NPEPPS: variants seen among roughly 807,000 people sequenced by gnomAD.
The protein encoded by NPEPPS is aminopeptidase puromycin sensitive.
Under a neutral mutation model 115.5 loss-of-function variants are expected in NPEPPS, and 14 were observed. That is an observed-to-expected ratio of 0.12 (90% CI 0.08 to 0.19). The LOEUF is 0.19. Ranked by LOEUF, NPEPPS falls within the 10% of genes least tolerant of loss-of-function variation. The probability of loss-of-function intolerance (pLI) is 1.00; values close to 1 mark genes in which losing one functional copy is unlikely to be tolerated. For missense variants in NPEPPS, 523 were observed against 1,110.8 expected (o/e 0.47, Z 7.52); for synonymous variants, 285 against 390.6 (o/e 0.73, Z 3.19).
intron 2 of NPEPPS, among the ~76,000 whole-genome samples, chr17:47,559,050 A>G (rs977747769): frequency 6.6e-6 from 1 of 151,434 alleles, no homozygotes; most frequent in African/African-American, 2.4e-5. Flanking sequence ...AAAAGAGGAA[A>G]AAAAAAAAAA....
At chr17:47,561,375 G>T (rs1910415960) in intron 2 of NPEPPS, among the ~76,000 whole-genome samples, 1 of 150,952 alleles carries the variant, frequency 6.6e-6, no homozygotes, top group Non-Finnish European at 1.5e-5. Flanking sequence ...AAAAAGATTG[G>T]GGGGGTGCTA....
intron 1 of NPEPPS, among the ~76,000 whole-genome samples, chr17:47,539,841 A>T (rs1475291389): frequency 6.6e-6 from 1 of 152,138 alleles, no homozygotes. Context: ...TAGCTATTAT[A>T]GAACTGTTCC....
intron 1 of NPEPPS, among the ~76,000 whole-genome samples, chr17:47,541,871 C>T (rs1358897121): frequency 6.6e-6 from 1 of 152,174 alleles, no homozygotes; most frequent in East Asian, 1.9e-4. Flanking sequence ...TGTTTTGAAA[C>T]ATGAAGATTT....
At chr17:47,536,668 T>G (rs186994638) in intron 1 of NPEPPS, among the ~76,000 whole-genome samples, 2 of 149,966 alleles carry the variant, frequency 1.3e-5, no homozygotes, top group Admixed American at 1.3e-4. Context: ...GTGCTGGGAT[T>G]ATGGGCGTGA....
chr17:47,531,538 C>T lies in NPEPPS; in HGVS notation c.238C>T (p.Leu80=), dbSNP rs888505585. 4 of 1,606,552 alleles carry T rather than the reference C, an allele frequency of 2.5e-6. No homozygotes were observed. Among genetic ancestry groups the T allele is most frequent in the East Asian group, 4.5e-5 (2 of 44,556 alleles). Residue 80 remains leucine (L), a synonymous_variant, in exon 1 of 23, where the codon CTG becomes TTG. Coordinates refer to ENST00000322157, the MANE Select transcript of NPEPPS (RefSeq NM_006310.4). ...DLLDFTFEGK[L]EAAAQVRQAT... ...GCTGGACTTCACCTTCGAGGGCAAGCTGGAGGCCGCCGCCCAGGTACAGCG... is the reference window on the plus strand; with the variant it reads ...GCTGGACTTCACCTTCGAGGGCAAGTTGGAGGCCGCCGCCCAGGTACAGCG...
intron 3 of NPEPPS, among the ~76,000 whole-genome samples, chr17:47,574,759 TTTTAAA>T (rs1378162810): frequency 6.6e-6 from 1 of 152,068 alleles, no homozygotes; most frequent in African/African-American, 2.4e-5. Context: ...TCTGGTTAAT[TTTTAAA>T]TTTTTTTGTA....
intron 1 of NPEPPS, among the ~76,000 whole-genome samples, chr17:47,537,333 A>G (rs1483211384): frequency 6.6e-6 from 1 of 152,178 alleles, no homozygotes; most frequent in Non-Finnish European, 1.5e-5. Context: ...TTCATCTGGC[A>G]ATGAATTCTG....
At chr17:47,533,959 A>G (rs1262206584) in intron 1 of NPEPPS, among the ~76,000 whole-genome samples, 1 of 152,222 alleles carries the variant, frequency 6.6e-6, no homozygotes. Context: ...ACATGTTTGG[A>G]AGGGTAAAAG....
In NPEPPS at chr17:47,546,010, A is replaced by G; in HGVS notation, c.340+17A>G. ...GAGATGAAGGTAAGAGCTGTTTTCCATTTTAATTTGCTGTCTGCATGTGCA... is the reference window on the plus strand; with the variant it reads ...GAGATGAAGGTAAGAGCTGTTTTCCGTTTTAATTTGCTGTCTGCATGTGCA... On this transcript the variant is annotated intron_variant, in intron 2 of 22. Transcript: ENST00000322157. The G allele has an allele frequency of 6.6e-7, 1 of 1,518,774 alleles. No homozygotes were observed. The highest frequency in any genetic ancestry group is 8.8e-7 in the Non-Finnish European group (1 of 1,131,662). 94.1% of individuals were successfully genotyped at this position (1,518,774 alleles called of 1,614,324 possible).
At chr17:47,565,917 T>C (rs1467106193) in intron 2 of NPEPPS, among the ~76,000 whole-genome samples, 3 of 152,044 alleles carry the variant, frequency 2.0e-5, no homozygotes, top group East Asian at 1.9e-4. Flanking sequence ...CACCCTGGGG[T>C]TGGAAAATGC....
intron 1 of NPEPPS, among the ~76,000 whole-genome samples, chr17:47,543,398 A>G (rs1016738736): frequency 2.6e-5 from 4 of 151,140 alleles, no homozygotes; most frequent in Admixed American, 2.0e-4. Context: ...GCTCACTGCA[A>G]CCTCCACTGC....
chr17:47,539,064 G>C (rs2873557), intron 1 of NPEPPS, among the ~76,000 whole-genome samples: 1 of 150,490 alleles, frequency 6.6e-6, no homozygotes, highest in African/African-American at 2.4e-5. Flanking sequence ...TTATTGTACG[G>C]ACTTTGTATC....
chr17:47,539,064 G>A (rs2873557), intron 1 of NPEPPS, among the ~76,000 whole-genome samples: 3,867 of 150,514 alleles, frequency 0.026, 151 homozygotes, highest in African/African-American at 0.086. Context: ...TTATTGTACG[G>A]ACTTTGTATC....
At chr17:47,588,181 G>A (rs1183258289) in intron 9 of NPEPPS, among the ~76,000 whole-genome samples, 2 of 152,210 alleles carry the variant, frequency 1.3e-5, no homozygotes, top group Non-Finnish European at 2.9e-5. Flanking sequence ...GTCTCAGAGA[G>A]TTTCTACAGA....
chr17:47,554,289 C>G (rs1407003175), intron 2 of NPEPPS, among the ~76,000 whole-genome samples: 1 of 152,154 alleles, frequency 6.6e-6, no homozygotes, highest in African/African-American at 2.4e-5. Context: ...ATCTTCCCCC[C>G]TCAGCCTCGT....
intron 2 of NPEPPS, among the ~76,000 whole-genome samples, chr17:47,561,233 C>T (rs1207933642): frequency 1.3e-5 from 2 of 151,582 alleles, no homozygotes; most frequent in Non-Finnish European, 2.9e-5. Flanking sequence ...ATAAAGGGGG[C>T]CTGGCACAGT....
chr17:47,557,651 T>G (rs1296532248), intron 2 of NPEPPS: 2 of 149,246 alleles, frequency 1.3e-5, no homozygotes, highest in African/African-American at 4.8e-5. Flanking sequence ...GCCCACACTT[T>G]TTTTGGTTTG....
At chr17:47,566,359 G>A (rs1336032932) in intron 2 of NPEPPS, among the ~76,000 whole-genome samples, 2 of 150,744 alleles carry the variant, frequency 1.3e-5, no homozygotes, top group African/African-American at 4.9e-5. Context: ...ATTTTAATTT[G>A]CCTTTCCTTA....
At chr17:47,592,159 G>A (rs1912548231) in intron 11 of NPEPPS, 99 bp downstream of exon 11, 4 of 642,456 alleles carry the variant, frequency 6.2e-6, no homozygotes, top group Non-Finnish European at 8.2e-6. Context: ...TTCCCAAATA[G>A]TTTCTGGCTT....
Sources: gnomAD v4.1 joint callset for allele counts (sites outside exome capture counted in the v4.1 genomes callset) on GRCh38, gnomAD v4.1.1 for gene constraint, MANE v1.5 for transcripts, NCBI Gene and HGNC (gene_info 2026-07-23, HGNC 2026-07-21) for gene names.